Variants in RORA observed in about 807,000 individuals in gnomAD.
RORA encodes nuclear receptor ROR-alpha.
A neutral mutation model predicts 69.5 loss-of-function variants in RORA; 7 were observed. The ratio of observed to expected loss-of-function variants is 0.10; its 90% CI spans 0.06 to 0.19. The LOEUF (loss-of-function observed/expected upper bound fraction) is 0.19. Ranked by LOEUF, RORA falls within the 10% of genes least tolerant of loss-of-function variation. The pLI, the probability that RORA is intolerant of heterozygous loss-of-function variation, is 1.00. For missense variants in RORA, 457 were observed against 663.0 expected (o/e 0.69, Z 3.41); for synonymous variants, 261 against 240.8 (o/e 1.08, Z -0.78).
rs375137701 is a variant in RORA, at chr15:60,522,824, C to G, written c.283-8067G>C. Among the ~76,000 whole-genome samples, 10 of 150,210 alleles carry G rather than the reference C, an allele frequency of 6.7e-5. No homozygotes were observed. The East Asian group carries it at 1.8e-3, about 26-fold the overall frequency. On this transcript the variant is annotated intron_variant, in intron 3 of 10. Transcript: ENST00000335670. ...TGGTGGCTCACACCTGTAATCCCAG[C>G]GCTTTGGGAGGCCGAGGTGGGCAGA... is the stretch of plus-strand genomic sequence containing the variant.
chr15:60,691,675 G>A (rs2070828226), intron 1 of RORA, among the ~76,000 whole-genome samples: 1 of 152,154 alleles, frequency 6.6e-6, no homozygotes, highest in Non-Finnish European at 1.5e-5. Context: ...GAGAACACAC[G>A]CTAACCCCAG....
At chr15:60,726,418 A>G (rs1291288662) in intron 1 of RORA, among the ~76,000 whole-genome samples, 2 of 152,224 alleles carry the variant, frequency 1.3e-5, no homozygotes, top group Admixed American at 6.5e-5. Flanking sequence ...AGTAAAGGCC[A>G]GTATTGAGCA....
chr15:60,897,326 T>C (rs916287086), intron 1 of RORA, among the ~76,000 whole-genome samples: 2 of 152,198 alleles, frequency 1.3e-5, no homozygotes, highest in African/African-American at 4.8e-5. Flanking sequence ...AAATGACATA[T>C]AGAGATCTTT....
intron 1 of RORA, among the ~76,000 whole-genome samples, chr15:61,120,727 T>C (rs965411476): frequency 6.7e-6 from 1 of 149,704 alleles, no homozygotes; most frequent in African/African-American, 2.5e-5. Context: ...AAACATACCC[T>C]ACTTCAAAGG....
intron 2 of RORA, among the ~76,000 whole-genome samples, chr15:60,606,750 C>G (rs2068955120): frequency 6.6e-6 from 1 of 152,044 alleles, no homozygotes; most frequent in Non-Finnish European, 1.5e-5. Context: ...TAAAGAAATA[C>G]TAAATTAGAA....
At chr15:61,033,609 G>T (rs1438311725) in intron 1 of RORA, among the ~76,000 whole-genome samples, 2 of 152,038 alleles carry the variant, frequency 1.3e-5, no homozygotes, top group South Asian at 4.2e-4. Context: ...CTTAATAGTG[G>T]TTCTTATTCA....
chr15:60,691,781 A>G (rs1300329969), intron 1 of RORA, among the ~76,000 whole-genome samples: 1 of 152,232 alleles, frequency 6.6e-6, no homozygotes, highest in East Asian at 1.9e-4. Context: ...AGAGCTGAAC[A>G]CAGGGCATGC....
At chr15:60,787,014 G>C (rs2072344148) in intron 1 of RORA, among the ~76,000 whole-genome samples, 1 of 152,242 alleles carries the variant, frequency 6.6e-6, no homozygotes, top group Non-Finnish European at 1.5e-5. Context: ...GTTTTGTGAA[G>C]ATACCTAAGA....
intron 1 of RORA, chr15:60,736,862 A>T (rs1270633231): frequency 3.3e-5 from 5 of 152,204 alleles, no homozygotes. Flanking sequence ...TAGGAGAATA[A>T]ATAGATACAC....
intron 1 of RORA, among the ~76,000 whole-genome samples, chr15:60,823,196 C>T (rs1042699085): frequency 2.0e-5 from 3 of 151,468 alleles, no homozygotes; most frequent in Non-Finnish European, 4.4e-5. Flanking sequence ...CTTCCTTCCT[C>T]CCTTCCTTTC....
chr15:61,051,763 C>T (rs2078017811), intron 1 of RORA, among the ~76,000 whole-genome samples: 1 of 152,182 alleles, frequency 6.6e-6, no homozygotes, highest in Non-Finnish European at 1.5e-5. Context: ...GAAGTCTCCG[C>T]CTGGGCTTCA....
At chr15:60,850,613 T>C (rs888117179) in intron 1 of RORA, among the ~76,000 whole-genome samples, 12 of 152,178 alleles carry the variant, frequency 7.9e-5, no homozygotes, top group African/African-American at 2.9e-4. Flanking sequence ...CATGTGCACA[T>C]TGATGGTGAT....
chr15:60,805,672 G>C (rs1328570308), intron 1 of RORA, among the ~76,000 whole-genome samples: 4 of 152,148 alleles, frequency 2.6e-5, no homozygotes, highest in African/African-American at 9.7e-5. Context: ...AGGATTACAT[G>C]GTAGGTCTAT....
intron 1 of RORA, among the ~76,000 whole-genome samples, chr15:60,980,593 G>A (rs1359184678): frequency 6.6e-6 from 1 of 152,000 alleles, no homozygotes; most frequent in South Asian, 2.1e-4. Context: ...TTTATCTTGA[G>A]TGTCAGTTTT....
intron 1 of RORA, among the ~76,000 whole-genome samples, chr15:60,911,069 A>ATTTTTTTT (rs528370848): frequency 5.6e-5 from 5 of 89,698 alleles, no homozygotes; most frequent in Admixed American, 1.1e-4. Context: ...TGCCCAGCTA[A>ATTTTTTTT]TTTTTTTTTT....
At chr15:60,515,957 T>TTATATATTTA (rs374446786) in intron 3 of RORA, among the ~76,000 whole-genome samples, 4 of 17,590 alleles carry the variant, frequency 2.3e-4, no homozygotes, top group Non-Finnish European at 3.7e-4. Flanking sequence ...ATTTATATAT[T>TTATATATTTA]TATATTTATA....
chr15:61,019,977 A>G (rs1224311267), intron 1 of RORA, among the ~76,000 whole-genome samples: 1 of 152,036 alleles, frequency 6.6e-6, no homozygotes, highest in Non-Finnish European at 1.5e-5. Flanking sequence ...ATCCTTCACC[A>G]CCACCCTTCA....
chr15:60,586,388 G>C (rs2068335078), intron 2 of RORA, among the ~76,000 whole-genome samples: 1 of 152,068 alleles, frequency 6.6e-6, no homozygotes, highest in African/African-American at 2.4e-5. Context: ...CCAAGATTGT[G>C]GGAAGGCAGA....
chr15:61,211,185 A>G (rs775129746), intron 1 of RORA, among the ~76,000 whole-genome samples: 1 of 152,176 alleles, frequency 6.6e-6, no homozygotes, highest in African/African-American at 2.4e-5. Context: ...CTCGCTTAAC[A>G]AAAGGGGACT....
Sources: gnomAD v4.1 joint callset for allele counts (sites outside exome capture counted in the v4.1 genomes callset) on GRCh38, gnomAD v4.1.1 for gene constraint, MANE v1.5 for transcripts, NCBI Gene and HGNC (gene_info 2026-07-23, HGNC 2026-07-21) for gene names.